PCDH11X: variants seen among roughly 807,000 people sequenced by gnomAD.
PCDH11X encodes the protein protocadherin 11 X-linked.
PCDH11X carries 18 observed loss-of-function variants against 53.3 expected under a neutral mutation model. That is an observed-to-expected ratio of 0.34 (90% CI 0.23 to 0.50). The LOEUF (loss-of-function observed/expected upper bound fraction) is 0.50, where lower values mean the gene tolerates loss of function less well. PCDH11X is among the 20% of genes least tolerant of loss of function. PCDH11X has a pLI of 0.98. For missense variants in PCDH11X, 570 were observed against 1,032.4 expected (o/e 0.55, Z 6.14); for synonymous variants, 279 against 393.3 (o/e 0.71, Z 3.44).
At chrX:92,054,307 G>A in intron 6 of PCDH11X, among the ~76,000 whole-genome samples, 2 of 111,602 alleles carry the variant, frequency 1.8e-5, no homozygotes, top group East Asian at 2.8e-4. Context: ...TCCCAATTGT[G>A]CAACCTTTTT....
chrX:92,268,785 T>A (rs1353459004), intron 8 of PCDH11X, among the ~76,000 whole-genome samples: 1 of 111,924 alleles, frequency 8.9e-6, no homozygotes, highest in East Asian at 2.8e-4. Context: ...TTTGGGATTC[T>A]CCATCTATGC....
At chrX:92,105,525 C>T (rs942692474) in intron 6 of PCDH11X, among the ~76,000 whole-genome samples, 3 of 109,277 alleles carry the variant, frequency 2.7e-5, no homozygotes, top group Admixed American at 9.8e-5. Flanking sequence ...CGGGCTGAGT[C>T]GGAAAAGAGA....
intron 6 of PCDH11X, among the ~76,000 whole-genome samples, chrX:92,098,141 C>G (rs1220585925): frequency 9.1e-6 from 1 of 110,387 alleles, no homozygotes; most frequent in African/African-American, 3.3e-5. Context: ...AGGTAGCAGA[C>G]GATATCTTAT....
intron 8 of PCDH11X, among the ~76,000 whole-genome samples, chrX:92,330,136 T>G (rs1370144643): frequency 1.8e-5 from 2 of 109,469 alleles, no homozygotes; most frequent in Admixed American, 9.8e-5. Flanking sequence ...AATTAAAAAT[T>G]TAAAAAAAAA....
At chrX:92,546,387 T>C (rs2074855288) in intron 10 of PCDH11X, among the ~76,000 whole-genome samples, 1 of 111,855 alleles carries the variant, frequency 8.9e-6, no homozygotes, top group South Asian at 3.7e-4. Flanking sequence ...AATAATGTTA[T>C]CTTCCATCGA....
chrX:91,798,471 C>T (rs1268682573), intron 1 of PCDH11X, among the ~76,000 whole-genome samples: 1 of 110,091 alleles, frequency 9.1e-6, no homozygotes, highest in South Asian at 3.9e-4. Context: ...CGCCTGTAAT[C>T]CCAGCTACTC....
chrX:92,425,333 A>C (rs1007076620), intron 9 of PCDH11X, among the ~76,000 whole-genome samples: 3 of 109,126 alleles, frequency 2.7e-5, no homozygotes, highest in Admixed American at 9.9e-5. Context: ...GATATTTGTC[A>C]GATTATAGAT....
chrX:92,230,384 G>A (rs1284220881), intron 7 of PCDH11X, among the ~76,000 whole-genome samples: 2 of 92,881 alleles, frequency 2.2e-5, no homozygotes, highest in African/African-American at 7.9e-5. Context: ...TGTATGTCTC[G>A]ATTTTGCCCT....
chrX:92,081,853 A>G (rs2063862507), intron 6 of PCDH11X, among the ~76,000 whole-genome samples: 2 of 111,762 alleles, frequency 1.8e-5, no homozygotes, highest in African/African-American at 6.5e-5. Context: ...TTTAATTTGC[A>G]GCAGTGGCTA....
At chrX:92,230,515 A>AAT (rs1330457925) in intron 7 of PCDH11X, among the ~76,000 whole-genome samples, 1 of 93,977 alleles carries the variant, frequency 1.1e-5, no homozygotes, top group Non-Finnish European at 2.1e-5. Context: ...TATAATATAT[A>AAT]ATATATATAA....
At chrX:91,998,501 C>CAA (rs57643237) in intron 6 of PCDH11X, among the ~76,000 whole-genome samples, 3,113 of 102,384 alleles carry the variant, frequency 0.03, 44 homozygotes, top group Middle Eastern at 0.056. Flanking sequence ...TTTATCTTTG[C>CAA]AAAAAAAAAA....
intron 6 of PCDH11X, among the ~76,000 whole-genome samples, chrX:92,160,387 G>A (rs1367936858): frequency 9.1e-6 from 1 of 109,800 alleles, no homozygotes; most frequent in African/African-American, 3.3e-5. Flanking sequence ...CTTAGCTCCC[G>A]CTTATGAGTG....
intron 10 of PCDH11X, among the ~76,000 whole-genome samples, chrX:92,614,916 T>G (rs1927807905): frequency 9.0e-6 from 1 of 111,679 alleles, no homozygotes; most frequent in South Asian, 3.7e-4. Flanking sequence ...AGAACCACCC[T>G]TCACCAAGAT....
chrX:92,493,725 C>A (rs2073809654), intron 10 of PCDH11X, among the ~76,000 whole-genome samples: 1 of 101,935 alleles, frequency 9.8e-6, no homozygotes, highest in African/African-American at 3.6e-5. Context: ...CGGCTCACTG[C>A]AACTTCCTCC....
At chrX:92,475,952 C>T (rs1478376874) in intron 10 of PCDH11X, among the ~76,000 whole-genome samples, 1 of 111,309 alleles carries the variant, frequency 9.0e-6, no homozygotes, top group African/African-American at 3.3e-5. Flanking sequence ...TTGATCAATT[C>T]TGTTATTAAA....
At chrX:91,838,939 T>C (rs1365595859) in intron 5 of PCDH11X, among the ~76,000 whole-genome samples, 1 of 113,121 alleles carries the variant, frequency 8.8e-6, no homozygotes, top group Non-Finnish European at 1.9e-5. Context: ...TATTTGATAT[T>C]AATTAACTGA....
chrX:92,262,768 G>A (rs561912097), intron 7 of PCDH11X, among the ~76,000 whole-genome samples: 2 of 111,336 alleles, frequency 1.8e-5, no homozygotes, highest in Non-Finnish European at 3.8e-5. Context: ...GAAAATAAGT[G>A]ACACCATAAC....
rs187140641 is a variant in PCDH11X at position 91,989,762 on chromosome X, A to G, written c.3033+110489A>G. On this transcript the variant is annotated intron_variant, in intron 6 of 10. Transcript: ENST00000682573. ...GTCAATGTTCTGAGAAGTCCTTACA[A>G]AAAAATAGATTTAACTGTATTCATT... 4.0e-3 allele frequency among the ~76,000 whole-genome samples: 445 copies of G among 110,195 alleles called. 1 individual carries two copies. The highest frequency in any genetic ancestry group is 0.014 in the African/African-American group (427 of 30,328).
At chrX:92,076,134 A>G (rs1233360091) in intron 6 of PCDH11X, among the ~76,000 whole-genome samples, 1 of 108,190 alleles carries the variant, frequency 9.2e-6, no homozygotes, top group Non-Finnish European at 1.9e-5. Context: ...GAGACAGAGA[A>G]ATTGGTAGTA....
Sources: allele counts gnomAD v4.1 joint callset (sites outside exome capture counted in the v4.1 genomes callset), GRCh38; gene constraint gnomAD v4.1.1; transcripts MANE v1.5; gene names NCBI Gene and HGNC (gene_info 2026-07-23, HGNC 2026-07-21).